PCDHA10: variants seen among roughly 807,000 people sequenced by gnomAD.
PCDHA10 encodes protocadherin alpha-10.
A neutral mutation model predicts 61.2 loss-of-function variants in PCDHA10; 45 were observed. The observed-to-expected ratio is 0.74, with a 90% CI of 0.58 to 0.94. PCDHA10 has a LOEUF of 0.94. Among genes scored for constraint, PCDHA10 ranks in the 40% least tolerant of loss-of-function variants. The probability of loss-of-function intolerance (pLI) is 0.00; values close to 1 mark genes in which losing one functional copy is unlikely to be tolerated. For synonymous variants in PCDHA10, 602 were observed against 548.8 expected, an observed-to-expected ratio of 1.10 and a Z score of -1.35; for missense variants, 1,278 against 1,236.2, an observed-to-expected ratio of 1.03 and a Z score of -0.51.
At chr5:140,982,683 T>C in intron 3 of PCDHA10, 120 bp downstream of exon 3, 2 of 1,424,800 alleles carry the variant, frequency 1.4e-6, no homozygotes, top group Non-Finnish European at 1.8e-6. Context: ...TATTCCCTTT[T>C]TTCCATACAT....
chr5:140,895,320 T>C (rs561707282), intron 1 of PCDHA10, among the ~76,000 whole-genome samples: 2 of 152,298 alleles, frequency 1.3e-5, no homozygotes, highest in East Asian at 3.9e-4. Flanking sequence ...CCATGACTAT[T>C]GTTCTCAAAT....
intron 1 of PCDHA10, chr5:140,864,855 T>G (rs1173322611): frequency 1.3e-5 from 2 of 152,178 alleles, no homozygotes; most frequent in African/African-American, 4.8e-5. Flanking sequence ...CCATACATGA[T>G]GAAGGGTGAT....
At chr5:140,968,480 A>G in intron 1 of PCDHA10, 1 of 1,614,140 alleles carries the variant, frequency 6.2e-7, no homozygotes. Flanking sequence ...TGTGGTGGAC[A>G]TGAATGACCA....
At chr5:140,958,442 T>C (rs1554223476) in intron 1 of PCDHA10, among the ~76,000 whole-genome samples, 1 of 152,178 alleles carries the variant, frequency 6.6e-6, no homozygotes, top group Non-Finnish European at 1.5e-5. Flanking sequence ...AATTTAAAAA[T>C]ACCTTTTATT....
At chr5:140,952,146 C>T (rs1204696324) in intron 1 of PCDHA10, among the ~76,000 whole-genome samples, 1 of 152,062 alleles carries the variant, frequency 6.6e-6, no homozygotes, top group African/African-American at 2.4e-5. Context: ...AGCTCCACTC[C>T]TGTGGCTTTG....
intron 1 of PCDHA10, chr5:140,869,756 GA>G: frequency 6.2e-7 from 1 of 1,613,194 alleles, no homozygotes; most frequent in South Asian, 1.1e-5. Context: ...ACAGACGGGG[GA>G]AAACCAGAGC....
intron 1 of PCDHA10, chr5:140,969,349 G>A (rs782345683): frequency 3.1e-5 from 50 of 1,612,958 alleles, no homozygotes; most frequent in Non-Finnish European, 4.2e-5. Context: ...AGTGGTCAGG[G>A]GGTCTTCTAC....
intron 3 of PCDHA10, among the ~76,000 whole-genome samples, chr5:141,000,381 CTCTCTCTCTCTCTCTATA>C (rs1371464108): frequency 4.9e-5 from 3 of 61,382 alleles, no homozygotes; most frequent in South Asian, 5.3e-4. Flanking sequence ...CTCTCTCTCT[CTCTCTCTCTCTCTCTATA>C]TATATATATA....
At chr5:140,945,488 C>T (rs1362622912) in intron 1 of PCDHA10, among the ~76,000 whole-genome samples, 1 of 151,910 alleles carries the variant, frequency 6.6e-6, no homozygotes, top group Non-Finnish European at 1.5e-5. Flanking sequence ...ACCCCAAATA[C>T]CCAAAGCAAT....
At chr5:140,966,374 C>A in intron 1 of PCDHA10, 1 of 405,174 alleles carries the variant, frequency 2.5e-6, no homozygotes, top group South Asian at 1.3e-4. Flanking sequence ...GCTGAGCAGT[C>A]CGGGTTCGCT....
chr5:140,908,268 A>G (rs1401852970), intron 1 of PCDHA10, among the ~76,000 whole-genome samples: 4 of 152,284 alleles, frequency 2.6e-5, no homozygotes, highest in African/African-American at 9.6e-5. Context: ...GGAACTCCCC[A>G]TGAGGCCATT....
rs191892568 is a variant in PCDHA10, at chr5:140,903,945, C to T, written c.2388+45509C>T. 2.6e-5 allele frequency among the ~76,000 whole-genome samples: 4 copies of T among 152,280 alleles called. No homozygotes were observed. In the East Asian group the frequency reaches 5.8e-4, roughly 22 times the overall value. ...TGCATTGGATAATACCTCTTAAATA[C>T]TGGAAAATTATTTGTTGATTTTTGG... On this transcript the variant is annotated intron_variant, in intron 1 of 3. Transcript: ENST00000307360.
chr5:140,867,114 G>T (rs567577345), intron 1 of PCDHA10: 1 of 152,168 alleles, frequency 6.6e-6, no homozygotes, highest in Admixed American at 6.5e-5. Context: ...TTAACATATT[G>T]TTTTAATTCA....
chr5:140,884,060 G>T (rs781956914), intron 1 of PCDHA10: 1 of 1,613,430 alleles, frequency 6.2e-7, no homozygotes, highest in African/African-American at 1.3e-5. Flanking sequence ...GCGCGCGGTG[G>T]ACGCCGATTC....
chr5:140,861,413 G>T (rs189790760), intron 1 of PCDHA10: 3 of 474,952 alleles, frequency 6.3e-6, no homozygotes, highest in Non-Finnish European at 1.3e-5. Flanking sequence ...AGCTGATACC[G>T]CGCCTGTTTC....
chr5:140,967,073 G>T, intron 1 of PCDHA10: 1 of 1,613,160 alleles, frequency 6.2e-7, no homozygotes, highest in Non-Finnish European at 8.5e-7. Flanking sequence ...CTTCGTCAAC[G>T]AGCGCATTGA....
intron 1 of PCDHA10, among the ~76,000 whole-genome samples, chr5:140,920,262 T>A (rs1199241403): frequency 2.0e-5 from 3 of 152,216 alleles, no homozygotes; most frequent in African/African-American, 7.2e-5. Flanking sequence ...ATAATAATTA[T>A]TACTTTATGT....
At chr5:140,999,855 G>A (rs1019104615) in intron 3 of PCDHA10, among the ~76,000 whole-genome samples, 8 of 152,094 alleles carry the variant, frequency 5.3e-5, no homozygotes, top group Admixed American at 2.6e-4. Context: ...TATCTCTTCC[G>A]CTCCAAGATT....
chr5:140,989,019 T>C (rs1429425323), intron 3 of PCDHA10: 1 of 152,238 alleles, frequency 6.6e-6, no homozygotes, highest in East Asian at 1.9e-4. Context: ...TATAGTTTCT[T>C]CAGTTATCAT....
Sources: allele counts gnomAD v4.1 joint callset (sites outside exome capture counted in the v4.1 genomes callset), GRCh38; gene constraint gnomAD v4.1.1; transcripts MANE v1.5; gene names NCBI Gene and HGNC (gene_info 2026-07-23, HGNC 2026-07-21).